DPYD: variants seen among roughly 807,000 people sequenced by gnomAD.
DPYD encodes the protein dihydropyrimidine dehydrogenase [NADP(+)].
A neutral mutation model predicts 116.2 loss-of-function variants in DPYD; 109 were observed. The ratio of observed to expected loss-of-function variants is 0.94; its 90% CI spans 0.80 to 1.10. DPYD has a LOEUF of 1.10. Ranked by LOEUF, DPYD falls within the 50% of genes least tolerant of loss-of-function variation. The pLI, the probability that DPYD is intolerant of heterozygous loss-of-function variation, is 0.00. For synonymous variants in DPYD, 440 were observed against 432.0 expected (o/e 1.02, Z -0.23); for missense variants, 1,302 against 1,254.5 (o/e 1.04, Z -0.57).
chr1:97,342,502 G>A (rs1345422827), intron 16 of DPYD, among the ~76,000 whole-genome samples: 2 of 152,040 alleles, frequency 1.3e-5, no homozygotes, highest in South Asian at 2.1e-4. Flanking sequence ...AAGCAAAGTC[G>A]ACTTATGTTC....
At chr1:97,479,998 T>C (rs1678208165) in intron 13 of DPYD, among the ~76,000 whole-genome samples, 1 of 152,204 alleles carries the variant, frequency 6.6e-6, no homozygotes, top group Non-Finnish European at 1.5e-5. Context: ...AAACTTTTTT[T>C]CCCTAATATA....
chr1:97,843,073 G>T (rs1173210975), intron 2 of DPYD, among the ~76,000 whole-genome samples: 1 of 152,008 alleles, frequency 6.6e-6, no homozygotes, highest in Non-Finnish European at 1.5e-5. Flanking sequence ...CTAGTCTCAA[G>T]CCTGAACAAT....
chr1:97,720,198 A>T, intron 5 of DPYD: 1 of 983,800 alleles, frequency 1.0e-6, no homozygotes. Context: ...AAACACACAC[A>T]CCTCTCATGA....
intron 12 of DPYD, among the ~76,000 whole-genome samples, chr1:97,530,894 G>A (rs924370817): frequency 6.6e-6 from 1 of 152,060 alleles, no homozygotes; most frequent in Non-Finnish European, 1.5e-5. Flanking sequence ...TCATGTACCT[G>A]TTGGCCATTT....
chr1:97,485,572 C>T (rs1329460103), intron 13 of DPYD, among the ~76,000 whole-genome samples: 2 of 152,076 alleles, frequency 1.3e-5, no homozygotes, highest in Admixed American at 1.3e-4. Context: ...TATTTTCTAT[C>T]TCCTTTCTTC....
At chr1:97,488,247 A>G (rs1286606763) in intron 13 of DPYD, among the ~76,000 whole-genome samples, 1 of 152,126 alleles carries the variant, frequency 6.6e-6, no homozygotes, top group African/African-American at 2.4e-5. Flanking sequence ...GAGATAGAGG[A>G]CAGATTATGG....
chr1:97,085,904 A>T (rs1031989728), intron 21 of DPYD, among the ~76,000 whole-genome samples: 6 of 152,256 alleles, frequency 3.9e-5, no homozygotes, highest in Non-Finnish European at 7.3e-5. Flanking sequence ...TGGAGAAAGC[A>T]ATGTTAAATC....
intron 11 of DPYD, among the ~76,000 whole-genome samples, chr1:97,563,121 TC>T (rs914228983): frequency 3.9e-5 from 6 of 152,298 alleles, no homozygotes; most frequent in Non-Finnish European, 8.8e-5. Flanking sequence ...AATAATAATC[TC>T]ACTCTGCAAT....
At chr1:97,800,782 A>C (rs1667807842) in intron 3 of DPYD, among the ~76,000 whole-genome samples, 1 of 151,862 alleles carries the variant, frequency 6.6e-6, no homozygotes, top group Non-Finnish European at 1.5e-5. Flanking sequence ...CCACAAGTGT[A>C]ACTAGATTCC....
At chr1:97,681,268 G>A (rs1222931933) in intron 7 of DPYD, among the ~76,000 whole-genome samples, 2 of 152,094 alleles carry the variant, frequency 1.3e-5, no homozygotes, top group African/African-American at 4.8e-5. Flanking sequence ...AGGTTAGAGG[G>A]CAGAGCTGGC....
chr1:97,222,201 A>G (rs917665552), intron 19 of DPYD, among the ~76,000 whole-genome samples: 2 of 152,134 alleles, frequency 1.3e-5, no homozygotes, highest in African/African-American at 2.4e-5. Context: ...AATTAGTCAC[A>G]TCTCTGCATA....
At position 97,206,642 on chromosome 1, in the gene DPYD, A is replaced by ATG. The variant is rs1412394180; in HGVS notation, c.2443-13395_2443-13394insCA. Among the ~76,000 whole-genome samples, 109 of 22,834 alleles carry ATG rather than the reference A, an allele frequency of 4.8e-3. 1 individual carries two copies. The highest frequency in any genetic ancestry group is 6.6e-3 in the Non-Finnish European group (98 of 14,854). The allele number at this position is 22,834 out of a possible 152,430, so 15.0% of individuals were successfully genotyped here. On this transcript the variant is annotated intron_variant, in intron 19 of 22. Coordinates refer to ENST00000370192, the MANE Select transcript of DPYD (RefSeq NM_000110.4). ...TCATGTGAAAACAGGGAGATTTTAT[A>ATG]TATATATATATATATATATATATAT...
rs570811886 is a variant in DPYD, at chr1:97,657,479, AT to A, written c.850+21615del. Among the ~76,000 whole-genome samples, 241 of 152,330 alleles carry A rather than the reference AT, an allele frequency of 1.6e-3. 1 individual carries two copies. The highest frequency in any genetic ancestry group is 5.7e-3 in the African/African-American group (236 of 41,588). ...TCTTATGACTTATAAAGTTGTCAAT[AT>A]TTTTTATGGGCAAATGTAATATAAA... On this transcript the variant is annotated intron_variant, in intron 8 of 22. Coordinates refer to ENST00000370192, the MANE Select transcript of DPYD (RefSeq NM_000110.4).
intron 14 of DPYD, among the ~76,000 whole-genome samples, chr1:97,447,275 C>T (rs1377656453): frequency 1.3e-5 from 2 of 152,134 alleles, no homozygotes; most frequent in African/African-American, 2.4e-5. Flanking sequence ...GCCATGCACT[C>T]GAGAATGATG....
intron 1 of DPYD, among the ~76,000 whole-genome samples, chr1:97,909,255 C>T (rs1453938812): frequency 6.6e-6 from 1 of 151,972 alleles, no homozygotes; most frequent in Non-Finnish European, 1.5e-5. Context: ...GTTCCGCCAC[C>T]CAATGTGCCA....
chr1:97,710,498 C>A (rs1053342005), intron 5 of DPYD, among the ~76,000 whole-genome samples: 1 of 151,728 alleles, frequency 6.6e-6, no homozygotes, highest in African/African-American at 2.4e-5. Context: ...ATGATAAAAA[C>A]TTCATGTAAT....
chr1:97,125,767 G>A (rs745935660), intron 20 of DPYD, among the ~76,000 whole-genome samples: 2 of 152,062 alleles, frequency 1.3e-5, no homozygotes, highest in African/African-American at 2.4e-5. Flanking sequence ...ATAGTGAAAA[G>A]ATGGCTGTTT....
At chr1:97,535,756 A>C (rs563055569) in intron 12 of DPYD, among the ~76,000 whole-genome samples, 3 of 152,264 alleles carry the variant, frequency 2.0e-5, no homozygotes, top group African/African-American at 7.2e-5. Flanking sequence ...TGATAGCTCC[A>C]TTAGGTACAG....
chr1:97,468,295 T>C (rs1017848094), intron 13 of DPYD, among the ~76,000 whole-genome samples: 4 of 152,262 alleles, frequency 2.6e-5, no homozygotes, highest in Non-Finnish European at 4.4e-5. Flanking sequence ...TGAATGTTTT[T>C]GTCCCTTCAA....
Sources: allele counts gnomAD v4.1 joint callset (sites outside exome capture counted in the v4.1 genomes callset), GRCh38; gene constraint gnomAD v4.1.1; transcripts MANE v1.5; gene names NCBI Gene and HGNC (gene_info 2026-07-23, HGNC 2026-07-21).